The following NEDD9 variants were observed in gnomAD, a reference collection of about 807,000 sequenced individuals.
NEDD9 encodes the protein neural precursor cell expressed, developmentally down-regulated 9, also known as enhancer of filamentation 1.
In NEDD9, 26 loss-of-function variants were observed where a neutral mutation model predicts 76.6. That is an observed-to-expected ratio of 0.34 (90% CI 0.25 to 0.47). NEDD9 has a LOEUF of 0.47. Ranked by LOEUF, NEDD9 falls within the 20% of genes least tolerant of loss-of-function variation. The probability of loss-of-function intolerance (pLI) is 1.00; values close to 1 mark genes in which losing one functional copy is unlikely to be tolerated. For missense variants in NEDD9, 937 were observed against 1,058.5 expected (o/e 0.89, Z 1.59); for synonymous variants, 392 against 414.2 (o/e 0.95, Z 0.65).
chr6:11,238,733 G>A (rs968712177), intron 3 of NEDD9, among the ~76,000 whole-genome samples: 3 of 152,064 alleles, frequency 2.0e-5, no homozygotes, highest in South Asian at 4.1e-4. Flanking sequence ...CTGGACTCCC[G>A]TCACCTGTGG....
intron 3 of NEDD9, among the ~76,000 whole-genome samples, chr6:11,288,375 A>C (rs1248002130): frequency 6.6e-6 from 1 of 152,216 alleles, no homozygotes; most frequent in African/African-American, 2.4e-5. Context: ...TCGTCTATAC[A>C]ACTGACAAGT....
chr6:11,268,458 T>G (rs1346838407), intron 3 of NEDD9, among the ~76,000 whole-genome samples: 1 of 151,466 alleles, frequency 6.6e-6, no homozygotes, highest in Non-Finnish European at 1.5e-5. Flanking sequence ...CTGGGTGCAG[T>G]GGCTCGTGCC....
rs375131314 is a variant in NEDD9 at position 11,334,463 on chromosome 6, A to G, written c.-153+38T>C. 33 of 152,340 alleles carry G rather than the reference A, an allele frequency of 2.2e-4. No individual in the cohort carries two copies. The East Asian group carries it at 5.6e-3, about 26-fold the overall frequency. 9.4% of individuals were successfully genotyped at this position (152,340 alleles called of 1,614,324 possible). ...TGTTTTCTCTATTCATGCCACCGCTACCACTGTTTAGACTATTGGTCATAA... is the reference window on the plus strand; with the variant it reads ...TGTTTTCTCTATTCATGCCACCGCTGCCACTGTTTAGACTATTGGTCATAA... On this transcript the variant is annotated intron_variant, in intron 2 of 3. Transcript: ENST00000397378.
Position 11,190,970 on chromosome 6 carries a change from T to C in NEDD9, c.899A>G (p.Asn300Ser), listed in dbSNP as rs1561779980. Residue 300 changes from asparagine to serine, a missense_variant, in exon 5 of 7, where the codon AAT becomes AGT. Coordinates refer to ENST00000379446, the MANE Select transcript of NEDD9 (RefSeq NM_006403.4). This position sits in a 1 kb window ranked among gnomAD's most constrained non-coding sequence, Gnocchi z 5.8. The part of the protein sequence containing the change: ...VARRHQSLSP[N>S]HPPPQLGQSV... ...CTGTCCGAGTTGCGGGGGTGGGTGATTCGGGGACAGGCTCTGGTGCCTTCG... is the reference window on the plus strand; with the variant it reads ...CTGTCCGAGTTGCGGGGGTGGGTGACTCGGGGACAGGCTCTGGTGCCTTCG... 2 of 1,613,964 alleles carry C rather than the reference T, an allele frequency of 1.2e-6. No individual in the cohort carries two copies.
chr6:11,325,553 T>A (rs1331714067), intron 2 of NEDD9, among the ~76,000 whole-genome samples: 1 of 152,212 alleles, frequency 6.6e-6, no homozygotes, highest in Non-Finnish European at 1.5e-5. Flanking sequence ...ATGGTAAGAT[T>A]CATGCTAACA....
chr6:11,329,817 A>G (rs1414472978), intron 2 of NEDD9, among the ~76,000 whole-genome samples: 1 of 152,152 alleles, frequency 6.6e-6, no homozygotes, highest in Non-Finnish European at 1.5e-5. Context: ...GAGGCTTCTA[A>G]ACATCCTATA....
rs923295927 is a variant in NEDD9 at position 11,241,882 on chromosome 6, G to A, written c.13-28155C>T. 7.2e-5 allele frequency among the ~76,000 whole-genome samples: 11 copies of A among 152,210 alleles called. No individual in the cohort carries two copies. The highest frequency in any genetic ancestry group is 1.2e-4 in the Non-Finnish European group (8 of 68,030). ...CCCAAGCAGCCGCCAGCTGGCGCTC[G>A]TGAGCGCATGAAAGGAATCCGGATA... On this transcript the variant is annotated intron_variant, in intron 3 of 3. Coordinates refer to the NEDD9 transcript ENST00000397378. This position sits in a 1 kb window ranked among gnomAD's most constrained non-coding sequence, Gnocchi z 4.0.
At chr6:11,340,946 C>T (rs1309052778) in intron 1 of NEDD9, among the ~76,000 whole-genome samples, 4 of 152,218 alleles carry the variant, frequency 2.6e-5, no homozygotes, top group African/African-American at 9.7e-5. Flanking sequence ...CTGTCCTACT[C>T]TCTCTGTCCT....
At chr6:11,300,990 T>G (rs1761032024) in intron 3 of NEDD9, among the ~76,000 whole-genome samples, 1 of 152,142 alleles carries the variant, frequency 6.6e-6, no homozygotes, top group Admixed American at 6.5e-5. Flanking sequence ...AACATCAAAA[T>G]GACAGGATCA....
At chr6:11,381,816 T>A (rs184529022) in intron 1 of NEDD9, among the ~76,000 whole-genome samples, 1 of 152,298 alleles carries the variant, frequency 6.6e-6, no homozygotes, top group East Asian at 1.9e-4. Context: ...AAAAGCTTAG[T>A]TGCTGTCAGG....
Position 11,185,065 on chromosome 6 carries a change from AT to A in NEDD9, c.*96del. On this transcript the variant is annotated 3_prime_UTR_variant, in exon 7 of 7. Transcript: ENST00000379446. ...TTAAAATATTTCATTTTTATATAAA[AT>A]ATCTACAAAAATAGATAACATTTAC... is the stretch of plus-strand genomic sequence containing the variant. 7 of 1,339,316 alleles carry A rather than the reference AT, an allele frequency of 5.2e-6. No homozygotes were observed. The highest frequency in any genetic ancestry group is 7.0e-6 in the Non-Finnish European group (7 of 997,346). 83.0% of individuals were successfully genotyped at this position (1,339,316 alleles called of 1,614,324 possible).
intron 3 of NEDD9, among the ~76,000 whole-genome samples, chr6:11,280,122 C>T (rs566482751): frequency 5.6e-4 from 86 of 152,308 alleles, no homozygotes; most frequent in African/African-American, 2.0e-3. Context: ...ATGTCAGTTG[C>T]ATGCCTTCCA....
At chr6:11,290,871 A>C (rs1760747802) in intron 3 of NEDD9, among the ~76,000 whole-genome samples, 1 of 152,182 alleles carries the variant, frequency 6.6e-6, no homozygotes, top group African/African-American at 2.4e-5. Flanking sequence ...TCATCTCTAC[A>C]TCTCCCTGCT....
rs978663704 is a variant in NEDD9 at position 11,370,346 on chromosome 6, T to C, written c.-214+11793A>G. Among the ~76,000 whole-genome samples the C allele has an allele frequency of 1.1e-4, 17 of 152,336 alleles. No individual in the cohort carries two copies. The highest frequency in any genetic ancestry group is 3.9e-4 in the Admixed American group (6 of 15,308). On this transcript the variant is annotated intron_variant, in intron 1 of 3. Coordinates refer to the NEDD9 transcript ENST00000397378. This position sits in a 1 kb window ranked among gnomAD's most constrained non-coding sequence, Gnocchi z 4.2. ...TGCTATGTAGAGTAGAGCTTTGTTTTTCAATCAGGCTGTTATTCAAATGCT... is the reference window on the plus strand; with the variant it reads ...TGCTATGTAGAGTAGAGCTTTGTTTCTCAATCAGGCTGTTATTCAAATGCT...
At chr6:11,218,677 A>C (rs1166984786) in intron 1 of NEDD9, among the ~76,000 whole-genome samples, 2 of 152,126 alleles carry the variant, frequency 1.3e-5, no homozygotes, top group East Asian at 3.8e-4. Context: ...GTCTGCAGGG[A>C]GGGTGAAATT....
intron 1 of NEDD9, among the ~76,000 whole-genome samples, chr6:11,377,349 C>G (rs1762985462): frequency 6.6e-6 from 1 of 152,256 alleles, no homozygotes; most frequent in Non-Finnish European, 1.5e-5. Context: ...ATGAGAGCAG[C>G]CATGTGGGCT....
At chr6:11,201,081 T>G (rs764898691) in intron 2 of NEDD9, 3 of 1,613,740 alleles carry the variant, frequency 1.9e-6, no homozygotes, top group Non-Finnish European at 2.5e-6. Flanking sequence ...AGACAAGTTC[T>G]GCTCACATTG....
intron 1 of NEDD9, among the ~76,000 whole-genome samples, chr6:11,340,779 G>A (rs1054856605): frequency 1.2e-4 from 19 of 152,228 alleles, no homozygotes; most frequent in African/African-American, 4.3e-4. Context: ...TCCTGGAGGT[G>A]TTTCCAAGAG....
At chr6:11,209,694 A>G (rs553229860) in intron 2 of NEDD9, among the ~76,000 whole-genome samples, 2 of 152,314 alleles carry the variant, frequency 1.3e-5, no homozygotes, top group East Asian at 3.9e-4. Flanking sequence ...GAAGAAACCA[A>G]GGCGTAGAGA....
Sources: allele counts gnomAD v4.1 joint callset (sites outside exome capture counted in the v4.1 genomes callset), GRCh38; gene constraint gnomAD v4.1.1; non-coding constraint Gnocchi (gnomAD v3.1); transcripts MANE v1.5; gene names NCBI Gene and HGNC (gene_info 2026-07-23, HGNC 2026-07-21).